The following ADARB2 variants were observed in gnomAD, a reference collection of about 807,000 sequenced individuals.
ADARB2 encodes the protein adenosine deaminase RNA specific B2 (inactive), also known as inactive double-stranded RNA-specific editase B2.
Under a neutral mutation model 62.2 loss-of-function variants are expected in ADARB2, and 25 were observed. The observed-to-expected ratio is 0.40, with a 90% confidence interval of 0.29 to 0.56. The LOEUF (loss-of-function observed/expected upper bound fraction) is 0.56. Ranked by LOEUF, ADARB2 falls within the 20% of genes least tolerant of loss-of-function variation. The probability of loss-of-function intolerance (pLI) is 0.43; values close to 1 mark genes in which losing one functional copy is unlikely to be tolerated. For missense variants in ADARB2, 1,071 were observed against 1,077.4 expected, an observed-to-expected ratio of 0.99 and a Z score of 0.08; for synonymous variants, 572 against 500.8, an observed-to-expected ratio of 1.14 and a Z score of -1.90.
chr10:1,497,522 C>G (rs944230528), intron 1 of ADARB2, among the ~76,000 whole-genome samples: 2 of 152,116 alleles, frequency 1.3e-5, no homozygotes, highest in Non-Finnish European at 2.9e-5. Flanking sequence ...TTCATCAGTT[C>G]CTCTCAGTTG....
At chr10:1,718,348 C>T (rs371203871) in intron 1 of ADARB2, among the ~76,000 whole-genome samples, 10 of 152,180 alleles carry the variant, frequency 6.6e-5, no homozygotes, top group South Asian at 2.1e-4. Flanking sequence ...CATGCATGGA[C>T]GGTCAGGCTT....
At chr10:1,344,230 T>C (rs1214817447) in intron 3 of ADARB2, among the ~76,000 whole-genome samples, 1 of 152,116 alleles carries the variant, frequency 6.6e-6, no homozygotes, top group Non-Finnish European at 1.5e-5. Context: ...CATCAAACCA[T>C]CAGACCAAGC....
chr10:1,205,659 G>T (rs769925895), intron 7 of ADARB2, among the ~76,000 whole-genome samples: 1 of 152,278 alleles, frequency 6.6e-6, no homozygotes, highest in Non-Finnish European at 1.5e-5. Context: ...GCGGCACAGG[G>T]TGCCGTTACC....
chr10:1,245,790 A>G (rs1445092006), intron 4 of ADARB2, among the ~76,000 whole-genome samples: 3 of 152,094 alleles, frequency 2.0e-5, no homozygotes, highest in Admixed American at 6.5e-5. Context: ...TAGTGCCACA[A>G]TAAACATATG....
rs572016544 is a variant in ADARB2, at chr10:1,672,281, G to A, written c.100+64770C>T. Among the ~76,000 whole-genome samples the A allele has an allele frequency of 6.4e-4, 97 of 152,230 alleles. 1 individual carries two copies. The highest frequency in any genetic ancestry group is 2.6e-4 in the Admixed American group (4 of 15,304). On this transcript the variant is annotated intron_variant, in intron 1 of 9. Transcript: ENST00000381312. ...TGCGGGCTGCCCAGGGATGTGCTGT[G>A]GGTTCCTGGGAAGGGCGCTGGGGTG...
chr10:1,665,393 A>G (rs931424605), intron 1 of ADARB2, among the ~76,000 whole-genome samples: 4 of 152,166 alleles, frequency 2.6e-5, no homozygotes, highest in African/African-American at 9.7e-5. Context: ...GACGTGGGGA[A>G]CTCGCATCCA....
intron 7 of ADARB2, among the ~76,000 whole-genome samples, chr10:1,209,427 A>G (rs1446644092): frequency 6.7e-6 from 1 of 149,230 alleles, no homozygotes; most frequent in Non-Finnish European, 1.5e-5. Context: ...ACCGTCACCC[A>G]TGCCCACACC....
At chr10:1,217,918 G>A (rs1339357912) in intron 6 of ADARB2, among the ~76,000 whole-genome samples, 1 of 152,082 alleles carries the variant, frequency 6.6e-6, no homozygotes, top group Non-Finnish European at 1.5e-5. Context: ...GGTGTTCTGT[G>A]TTCTCCTTTC....
chr10:1,209,247 GCACTAT>G (rs1225455953), intron 7 of ADARB2, among the ~76,000 whole-genome samples: 4 of 149,916 alleles, frequency 2.7e-5, no homozygotes, highest in Non-Finnish European at 5.9e-5. Context: ...GGGGATGGCT[GCACTAT>G]CACTGACACC....
chr10:1,283,719 C>G (rs536823213), intron 3 of ADARB2, among the ~76,000 whole-genome samples: 1 of 152,262 alleles, frequency 6.6e-6, no homozygotes, highest in African/African-American at 2.4e-5. Context: ...CCAGTGTAGA[C>G]AGCCTATGGC....
intron 1 of ADARB2, among the ~76,000 whole-genome samples, chr10:1,516,950 A>G (rs1040492613): frequency 1.3e-5 from 2 of 152,198 alleles, no homozygotes; most frequent in Non-Finnish European, 2.9e-5. Flanking sequence ...ATTCATCTGA[A>G]GTAGCAGAAA....
chr10:1,263,641 GC>G (rs1255579075), intron 4 of ADARB2, among the ~76,000 whole-genome samples: 1 of 152,154 alleles, frequency 6.6e-6, no homozygotes, highest in Non-Finnish European at 1.5e-5. Context: ...TGAGAGTGTA[GC>G]AAAAATATTT....
intron 1 of ADARB2, among the ~76,000 whole-genome samples, chr10:1,501,393 C>A (rs1588279235): frequency 6.6e-6 from 1 of 152,164 alleles, no homozygotes; most frequent in Non-Finnish European, 1.5e-5. Context: ...CCTCAATGTG[C>A]CACACAGCCC....
chr10:1,396,347 G>A (rs1414162617), intron 1 of ADARB2, among the ~76,000 whole-genome samples: 2 of 152,038 alleles, frequency 1.3e-5, no homozygotes, highest in Non-Finnish European at 2.9e-5. Flanking sequence ...CCCACGCCTC[G>A]GCCGACGCAG....
intron 1 of ADARB2, among the ~76,000 whole-genome samples, chr10:1,504,136 G>C (rs186281995): frequency 6.6e-6 from 1 of 152,130 alleles, no homozygotes; most frequent in Non-Finnish European, 1.5e-5. Flanking sequence ...CTTGGATTCC[G>C]TTGCTTAAAC....
intron 1 of ADARB2, among the ~76,000 whole-genome samples, chr10:1,579,742 C>T (rs1588310378): frequency 6.6e-6 from 1 of 152,200 alleles, no homozygotes; most frequent in Non-Finnish European, 1.5e-5. Flanking sequence ...AGGCGAATTC[C>T]TTGGCCCCAA....
intron 7 of ADARB2, among the ~76,000 whole-genome samples, chr10:1,207,374 G>T (rs1165856864): frequency 6.6e-6 from 1 of 152,154 alleles, no homozygotes; most frequent in Non-Finnish European, 1.5e-5. Flanking sequence ...CTTTTAAAAG[G>T]AGTAAAAATA....
chr10:1,299,865 C>T (rs1176837851), intron 3 of ADARB2, among the ~76,000 whole-genome samples: 1 of 152,220 alleles, frequency 6.6e-6, no homozygotes, highest in Non-Finnish European at 1.5e-5. Flanking sequence ...TGGCCTCTTC[C>T]CTGCTCTGTG....
chr10:1,434,042 T>G (rs1830806039), intron 1 of ADARB2, among the ~76,000 whole-genome samples: 1 of 152,170 alleles, frequency 6.6e-6, no homozygotes, highest in East Asian at 1.9e-4. Flanking sequence ...TAGGTGCTGA[T>G]TTTTTTGTAA....
Sources: allele counts gnomAD v4.1 joint callset (sites outside exome capture counted in the v4.1 genomes callset), GRCh38; gene constraint gnomAD v4.1.1; transcripts MANE v1.5; gene names NCBI Gene and HGNC (gene_info 2026-07-23, HGNC 2026-07-21).